Variants in CTIF observed in about 807,000 individuals in gnomAD.
CTIF encodes cap binding complex dependent translation initiation factor.
CTIF carries 21 observed loss-of-function variants against 66.0 expected under a neutral mutation model. The observed-to-expected ratio is 0.32, with a 90% confidence interval of 0.23 to 0.46. The LOEUF is 0.46. Ranked by LOEUF, CTIF falls within the 20% of genes least tolerant of loss-of-function variation. The probability of loss-of-function intolerance (pLI) is 1.00; values close to 1 mark genes in which losing one functional copy is unlikely to be tolerated. For missense variants in CTIF, 739 were observed against 812.7 expected (o/e 0.91, Z 1.10); for synonymous variants, 345 against 326.4 (o/e 1.06, Z -0.62).
At chr18:48,729,633 T>C (rs1348976991) in intron 7 of CTIF, among the ~76,000 whole-genome samples, 1 of 152,150 alleles carries the variant, frequency 6.6e-6, no homozygotes, top group Non-Finnish European at 1.5e-5. Context: ...CATCCAGACG[T>C]CTGGATTCTT....
chr18:48,795,846 A>G (rs1179662174), intron 9 of CTIF, among the ~76,000 whole-genome samples: 2 of 152,110 alleles, frequency 1.3e-5, no homozygotes, highest in Non-Finnish European at 2.9e-5. Flanking sequence ...TTTTTCCCCC[A>G]ACACAAGTCT....
At chr18:48,780,200 G>A (rs1009350699) in intron 9 of CTIF, among the ~76,000 whole-genome samples, 11 of 152,164 alleles carry the variant, frequency 7.2e-5, no homozygotes, top group African/African-American at 2.2e-4. Context: ...GAGCCTGTGC[G>A]CTATGTCATT....
At chr18:48,817,439 C>A in intron 10 of CTIF, 63 bp downstream of exon 10, 1 of 1,541,850 alleles carries the variant, frequency 6.5e-7, no homozygotes, top group Non-Finnish European at 8.7e-7. Context: ...GAATGCGTCT[C>A]AGATAACTGG....
chr18:48,693,516 C>A (rs2091962805), intron 6 of CTIF, among the ~76,000 whole-genome samples: 1 of 152,164 alleles, frequency 6.6e-6, no homozygotes, highest in Admixed American at 6.5e-5. Context: ...GAGCCACCAA[C>A]CTCAGGTAAA....
rs199504142 is a variant in CTIF at position 48,623,585 on chromosome 18, GA to G, written c.180+3851del. On this transcript the variant is annotated intron_variant, in intron 2 of 11. Transcript: ENST00000256413. The stretch of plus-strand genomic sequence containing the variant: ...GACTAGTTTAAATGGAAGCCAAAAA[GA>G]AAAAAAAAAACAGCAAACACTCAGG... Among the ~76,000 whole-genome samples the G allele has an allele frequency of 7.0e-4, 100 of 142,460 alleles. 1 individual carries two copies. The highest frequency in any genetic ancestry group is 5.1e-3 in the South Asian group (23 of 4,476). 93.5% of individuals were successfully genotyped at this position (142,460 alleles called of 152,430 possible).
chr18:48,675,245 T>G (rs577663673), intron 6 of CTIF, among the ~76,000 whole-genome samples: 1 of 152,226 alleles, frequency 6.6e-6, no homozygotes, highest in Admixed American at 6.5e-5. Context: ...GGTAGCATTT[T>G]TGGCATCTCT....
chr18:48,607,607 C>G (rs1316960057), intron 1 of CTIF, among the ~76,000 whole-genome samples: 1 of 152,194 alleles, frequency 6.6e-6, no homozygotes, highest in Non-Finnish European at 1.5e-5. Flanking sequence ...AGGAAAGGAG[C>G]AGACAGGTCC....
intron 6 of CTIF, among the ~76,000 whole-genome samples, chr18:48,702,875 C>G (rs2092102089): frequency 6.6e-6 from 1 of 151,642 alleles, no homozygotes; most frequent in Non-Finnish European, 1.5e-5. Flanking sequence ...CACATCCTGC[C>G]CACGTGGAGA....
At position 48,610,038 on chromosome 18, in the gene CTIF, G is replaced by A. The variant is rs182565350; in HGVS notation, c.-28-9500G>A. Among the ~76,000 whole-genome samples the A allele has an allele frequency of 1.3e-4, 20 of 152,310 alleles. No homozygotes were observed. In the South Asian group the frequency reaches 1.7e-3, roughly 13 times the overall value. On this transcript the variant is annotated intron_variant, in intron 1 of 11. Coordinates refer to ENST00000256413, the MANE Select transcript of CTIF (RefSeq NM_014772.3). ...AGGAGGCCCACTCTGAGGGAAGGACGGTGCTGGAGAGGGCGTGGGCGGGCT... is the reference window on the plus strand; with the variant it reads ...AGGAGGCCCACTCTGAGGGAAGGACAGTGCTGGAGAGGGCGTGGGCGGGCT...
At chr18:48,849,420 A>G (rs954969625) in intron 10 of CTIF, among the ~76,000 whole-genome samples, 12 of 150,322 alleles carry the variant, frequency 8.0e-5, no homozygotes, top group African/African-American at 2.9e-4. Context: ...CTGGTCTTAA[A>G]CTCCTGGACT....
Position 48,619,524 on chromosome 18 carries a change from C to G in CTIF, c.-28-14C>G. On this transcript the variant is annotated splice_polypyrimidine_tract_variant and intron_variant, in intron 1 of 11. Transcript: ENST00000256413. ...GCAGCGTCTCACGGAGTTCTCTGTC[C>G]TCTTTCCCACCAGTCCCGGCCCAGG... The G allele has an allele frequency of 7.1e-7, 1 of 1,413,874 alleles. No individual in the cohort carries two copies. Among genetic ancestry groups the G allele is most frequent in the South Asian group, 1.7e-5 (1 of 60,004 alleles). 87.6% of individuals were successfully genotyped at this position (1,413,874 alleles called of 1,614,324 possible). A position where few individuals can be genotyped will look rare whatever the true frequency, so the allele number is the denominator to read the frequency against.
chr18:48,553,710 C>G (rs1425035148), intron 1 of CTIF, among the ~76,000 whole-genome samples: 1 of 151,002 alleles, frequency 6.6e-6, no homozygotes, highest in African/African-American at 2.4e-5. Flanking sequence ...GGCTGGAGTG[C>G]AGTGGCGTGA....
intron 9 of CTIF, among the ~76,000 whole-genome samples, chr18:48,780,008 CCAG>C (rs1911060661): frequency 6.6e-6 from 1 of 152,144 alleles, no homozygotes; most frequent in Non-Finnish European, 1.5e-5. Context: ...ATGACAGGTT[CCAG>C]CAGCAGAAGT....
intron 9 of CTIF, among the ~76,000 whole-genome samples, chr18:48,768,745 G>GA (rs149617615): frequency 0.033 from 4,929 of 148,932 alleles, 90 homozygotes; most frequent in Non-Finnish European, 0.043. Flanking sequence ...CCCCATCTTT[G>GA]AAAAAAAAAA....
At chr18:48,854,202 TG>T (rs1213822054) in intron 10 of CTIF, among the ~76,000 whole-genome samples, 1 of 151,614 alleles carries the variant, frequency 6.6e-6, no homozygotes, top group East Asian at 1.9e-4. Flanking sequence ...GGAATGTGCA[TG>T]GGGGGGAAAG....
At chr18:48,714,269 C>T (rs2092258000) in intron 7 of CTIF, among the ~76,000 whole-genome samples, 1 of 152,192 alleles carries the variant, frequency 6.6e-6, no homozygotes, top group Non-Finnish European at 1.5e-5. Context: ...TTAAACTACA[C>T]TGGGAGGGGC....
intron 1 of CTIF, among the ~76,000 whole-genome samples, chr18:48,572,312 T>G (rs2089434879): frequency 6.6e-6 from 1 of 152,096 alleles, no homozygotes; most frequent in African/African-American, 2.4e-5. Context: ...AGATGAGTGT[T>G]TGAGCAAGCA....
In CTIF at chr18:48,757,897, G is replaced by A. The variant is rs1305352422; in HGVS notation, c.585-22G>A. 5.0e-6 allele frequency: 8 copies of A among 1,600,302 alleles called. No homozygotes were observed. In the South Asian group the frequency reaches 7.8e-5, roughly 16 times the overall value. ...AGCCCGCCCAGTGATCGCCTTCTCT[G>A]TCTTTCCTCTTCCGTTTGCAGGCGG... is the stretch of plus-strand genomic sequence containing the variant. On this transcript the variant is annotated intron_variant, in intron 7 of 11. Transcript: ENST00000256413.
At chr18:48,717,058 C>A (rs546519199) in intron 7 of CTIF, among the ~76,000 whole-genome samples, 5 of 151,874 alleles carry the variant, frequency 3.3e-5, no homozygotes, top group African/African-American at 4.8e-5. Context: ...CTCTGTCCTG[C>A]GATTGACCGT....
Sources: allele counts gnomAD v4.1 joint callset (sites outside exome capture counted in the v4.1 genomes callset), GRCh38; gene constraint gnomAD v4.1.1; transcripts MANE v1.5; gene names NCBI Gene and HGNC (gene_info 2026-07-23, HGNC 2026-07-21).